The following ABHD17C variants were observed in gnomAD, a reference collection of about 807,000 sequenced individuals.
ABHD17C encodes abhydrolase domain containing 17C, depalmitoylase.
ABHD17C carries 11 observed loss-of-function variants against 27.9 expected under a neutral mutation model. The ratio of observed to expected loss-of-function variants is 0.39; its 90% confidence interval spans 0.25 to 0.65. ABHD17C has a LOEUF of 0.65. Ranked by LOEUF, ABHD17C falls within the 30% of genes least tolerant of loss-of-function variation. ABHD17C has a pLI of 0.45. For missense variants in ABHD17C, 280 were observed against 470.2 expected, an observed-to-expected ratio of 0.60 and a Z score of 3.74; for synonymous variants, 233 against 209.1, an observed-to-expected ratio of 1.11 and a Z score of -0.98.
chr15:80,744,342 C>G (rs1895254157), intron 1 of ABHD17C, among the ~76,000 whole-genome samples: 3 of 152,012 alleles, frequency 2.0e-5, no homozygotes, highest in Admixed American at 6.6e-5. Context: ...ATAGAGGTCA[C>G]TAGTCTAATA....
At chr15:80,705,333 T>TTGTGTGTGTGTGTGTGTGTA in intron 1 of ABHD17C, among the ~76,000 whole-genome samples, 1 of 106,890 alleles carries the variant, frequency 9.4e-6, no homozygotes, top group Non-Finnish European at 1.9e-5. Context: ...TTCCTATGAT[T>TTGTGTGTGTGTGTGTGTGTA]TGTGTGTGTG....
chr15:80,754,019 C>A, intron 2 of ABHD17C, 132 bp from the exon 3 acceptor site: 2 of 749,162 alleles, frequency 2.7e-6, no homozygotes, highest in Non-Finnish European at 4.3e-6. Flanking sequence ...CAAAACAAAA[C>A]AAACAAAAAA....
chr15:80,731,524 C>T (rs888073616), intron 1 of ABHD17C, among the ~76,000 whole-genome samples: 1 of 150,928 alleles, frequency 6.6e-6, no homozygotes, highest in Admixed American at 6.6e-5. Context: ...GTCATTGCCA[C>T]CAGGCTTCCC....
intron 1 of ABHD17C, among the ~76,000 whole-genome samples, chr15:80,713,804 G>A (rs887267071): frequency 1.3e-5 from 2 of 150,832 alleles, no homozygotes; most frequent in African/African-American, 4.9e-5. Context: ...GCGAGATTCC[G>A]TCTCAAAAAA....
chr15:80,744,071 A>G (rs1031930131), intron 1 of ABHD17C, among the ~76,000 whole-genome samples: 3 of 152,196 alleles, frequency 2.0e-5, no homozygotes, highest in Admixed American at 6.5e-5. Context: ...AAACTGACCT[A>G]TGTTTCACAC....
In ABHD17C at chr15:80,695,377, G is replaced by GGCCAGCCA. The variant is rs929936066; in HGVS notation, c.-37_-30dup. ...CGCGCGTCCGTCCTCCGTCCTCCCGGGCCAGCCAGCCAGCCAGCCAGCCGG... is the reference window on the plus strand; with the variant it reads ...CGCGCGTCCGTCCTCCGTCCTCCCGGGCCAGCCAGCCAGCCAGCCAGCCAGCCAGCCGG... On this transcript the variant is annotated 5_prime_UTR_variant, in exon 1 of 3. Transcript: ENST00000258884. This position sits in a 1 kb window ranked among gnomAD's most constrained non-coding sequence, Gnocchi z 4.3. 9.9e-5 allele frequency: 113 copies of GGCCAGCCA among 1,140,862 alleles called. No individual in the cohort carries two copies. The highest frequency in any genetic ancestry group is 1.8e-4 in the East Asian group (4 of 22,294). 70.7% of individuals were successfully genotyped at this position (1,140,862 alleles called of 1,614,324 possible).
chr15:80,737,012 T>C lies in ABHD17C; in HGVS notation c.591-12501T>C, dbSNP rs114089678. Among the ~76,000 whole-genome samples the C allele has an allele frequency of 3.7e-3, 563 of 152,256 alleles. 5 individuals carry two copies. Among genetic ancestry groups the C allele is most frequent in the African/African-American group, 0.013 (545 of 41,534 alleles). On this transcript the variant is annotated intron_variant, in intron 1 of 2. Coordinates refer to ENST00000258884, the MANE Select transcript of ABHD17C (RefSeq NM_021214.2). ...GGCTGCCAAACCCTCGGTTTCAGGG[T>C]GCTCTTGGGGGCATGTCCCATTCCC...
intron 1 of ABHD17C, among the ~76,000 whole-genome samples, chr15:80,697,645 A>G (rs1412591954): frequency 6.6e-6 from 1 of 150,450 alleles, no homozygotes; most frequent in African/African-American, 2.5e-5. Context: ...TTTTGGTCAT[A>G]TTTAGTTGAA....
At chr15:80,742,250 A>G (rs1204961540) in intron 1 of ABHD17C, among the ~76,000 whole-genome samples, 1 of 152,154 alleles carries the variant, frequency 6.6e-6, no homozygotes, top group Admixed American at 6.5e-5. Flanking sequence ...GCTGTGATGT[A>G]ATTCATCCCA....
intron 2 of ABHD17C, among the ~76,000 whole-genome samples, chr15:80,752,523 A>AGGT (rs1265870904): frequency 2.0e-5 from 3 of 152,214 alleles, no homozygotes; most frequent in Admixed American, 1.3e-4. Context: ...GATAAAACAG[A>AGGT]GGTGGTCATT....
chr15:80,696,704 T>C (rs559515183), intron 1 of ABHD17C, among the ~76,000 whole-genome samples: 1 of 152,296 alleles, frequency 6.6e-6, no homozygotes, highest in South Asian at 2.1e-4. Flanking sequence ...ATCTCTGACC[T>C]TAAATTAGCA....
At chr15:80,748,817 C>T (rs923657571) in intron 1 of ABHD17C, among the ~76,000 whole-genome samples, 4 of 151,170 alleles carry the variant, frequency 2.6e-5, no homozygotes, top group Non-Finnish European at 4.4e-5. Flanking sequence ...GGAGGTTGCT[C>T]GTGTCACTTC....
At chr15:80,744,571 G>A (rs1248761349) in intron 1 of ABHD17C, among the ~76,000 whole-genome samples, 1 of 152,196 alleles carries the variant, frequency 6.6e-6, no homozygotes, top group East Asian at 1.9e-4. Context: ...ACAAATCTGA[G>A]CGTTTGACTT....
chr15:80,753,962 C>G (rs1231546618), intron 2 of ABHD17C, among the ~76,000 whole-genome samples, 189 bp from the exon 3 acceptor site: 1 of 152,110 alleles, frequency 6.6e-6, no homozygotes, highest in Non-Finnish European at 1.5e-5. Context: ...CTCAGTTATG[C>G]TGTGAACCTA....
chr15:80,751,431 A>G (rs562363657), intron 2 of ABHD17C, among the ~76,000 whole-genome samples: 1 of 152,302 alleles, frequency 6.6e-6, no homozygotes, highest in Non-Finnish European at 1.5e-5. Context: ...GAGGTTAAGT[A>G]ATTTATTGAA....
At position 80,718,825 on chromosome 15, in the gene ABHD17C, G is replaced by T. The variant is rs139153501; in HGVS notation, c.590+22806G>T. ...TTGCTACAGCTGAAGAGACACGGTTGATTTATGAAGGGCAGAGTAAGGTAG... is the reference window on the plus strand; with the variant it reads ...TTGCTACAGCTGAAGAGACACGGTTTATTTATGAAGGGCAGAGTAAGGTAG... On this transcript the variant is annotated intron_variant, in intron 1 of 2. Transcript: ENST00000258884. Among the ~76,000 whole-genome samples the T allele has an allele frequency of 6.2e-4, 94 of 152,306 alleles. 3 individuals are homozygous for T. The highest frequency in any genetic ancestry group is 1.1e-3 in the Admixed American group (17 of 15,300).
Position 80,725,897 on chromosome 15 carries a change from C to G in ABHD17C, c.591-23616C>G, listed in dbSNP as rs1206220878. Among the ~76,000 whole-genome samples the G allele has an allele frequency of 3.3e-5, 5 of 152,172 alleles. No homozygotes were observed. The East Asian group carries it at 9.7e-4, about 29-fold the overall frequency. On this transcript the variant is annotated intron_variant, in intron 1 of 2. Transcript: ENST00000258884. ...CAGCTCGGTTGGGGAGACCCTAACC[C>G]AGCGGCACTAGAGGAATTAAAGATA...
At chr15:80,738,211 G>C (rs1163784882) in intron 1 of ABHD17C, among the ~76,000 whole-genome samples, 1 of 152,040 alleles carries the variant, frequency 6.6e-6, no homozygotes, top group East Asian at 1.9e-4. Flanking sequence ...CGTGAGTCAG[G>C]GTACAGCAAT....
At chr15:80,714,375 C>T (rs995122855) in intron 1 of ABHD17C, among the ~76,000 whole-genome samples, 3 of 152,198 alleles carry the variant, frequency 2.0e-5, no homozygotes, top group African/African-American at 7.2e-5. Flanking sequence ...TAATCGCCAC[C>T]CATCTGTGAG....
Sources: gnomAD v4.1 joint callset for allele counts (sites outside exome capture counted in the v4.1 genomes callset) on GRCh38, gnomAD v4.1.1 for gene constraint, Gnocchi (gnomAD v3.1) non-coding constraint, MANE v1.5 for transcripts, NCBI Gene and HGNC (gene_info 2026-07-23, HGNC 2026-07-21) for gene names.